Variants in CACHD1 observed in about 807,000 individuals in gnomAD.
CACHD1 encodes cache domain containing 1.
Under a neutral mutation model 138.7 loss-of-function variants are expected in CACHD1, and 71 were observed. The ratio of observed to expected loss-of-function variants is 0.51; its 90% CI spans 0.42 to 0.62. The LOEUF is 0.62. Ranked by LOEUF, CACHD1 falls within the 20% of genes least tolerant of loss-of-function variation. The probability of loss-of-function intolerance (pLI) is 0.00; values close to 1 mark genes in which losing one functional copy is unlikely to be tolerated. For missense variants in CACHD1, 1,389 were observed against 1,625.3 expected, an observed-to-expected ratio of 0.85 and a Z score of 2.50; for synonymous variants, 578 against 591.5, an observed-to-expected ratio of 0.98 and a Z score of 0.33.
intron 2 of CACHD1, among the ~76,000 whole-genome samples, chr1:64,553,404 T>C (rs373064309): frequency 6.6e-6 from 1 of 152,206 alleles, no homozygotes; most frequent in East Asian, 1.9e-4. Context: ...CCTCGTATGT[T>C]TCCTATTCTG....
chr1:64,645,547 C>T (rs1648875442), intron 8 of CACHD1, among the ~76,000 whole-genome samples: 1 of 151,828 alleles, frequency 6.6e-6, no homozygotes, highest in Non-Finnish European at 1.5e-5. Context: ...CTGGGAGAAA[C>T]TGTGGGAGAA....
At chr1:64,548,629 C>A (rs1035408297) in intron 1 of CACHD1, among the ~76,000 whole-genome samples, 1 of 151,998 alleles carries the variant, frequency 6.6e-6, no homozygotes, top group Non-Finnish European at 1.5e-5. Flanking sequence ...TGTAAAACAC[C>A]GGTAGTGGTA....
chr1:64,621,480 G>A (rs1369525818), intron 4 of CACHD1, among the ~76,000 whole-genome samples: 1 of 152,064 alleles, frequency 6.6e-6, no homozygotes, highest in Admixed American at 6.6e-5. Flanking sequence ...GGAGCTTAAG[G>A]CTTCCTATGT....
chr1:64,626,439 C>T (rs917577633), intron 4 of CACHD1, among the ~76,000 whole-genome samples: 16 of 152,192 alleles, frequency 1.1e-4, no homozygotes, highest in East Asian at 1.9e-4. Flanking sequence ...GATCCTCACT[C>T]GGATGGAAAA....
intron 2 of CACHD1, among the ~76,000 whole-genome samples, chr1:64,576,231 TGAG>T (rs919008603): frequency 2.0e-5 from 3 of 152,234 alleles, no homozygotes; most frequent in African/African-American, 4.8e-5. Flanking sequence ...TTAATTACAC[TGAG>T]GAGGATTGTG....
chr1:64,561,216 A>G (rs746346219), intron 2 of CACHD1, among the ~76,000 whole-genome samples: 2 of 143,606 alleles, frequency 1.4e-5, no homozygotes, highest in Non-Finnish European at 3.1e-5. Context: ...TTTGAATTTT[A>G]TCTGTTAATA....
chr1:64,673,400 A>G lies in CACHD1; in HGVS notation c.2663A>G (p.Asn888Ser), dbSNP rs1268018156. 3 of 1,614,038 alleles carry G rather than the reference A, an allele frequency of 1.9e-6. No homozygotes were observed. The Admixed American group carries it at 5.0e-5, about 27-fold the overall frequency. ...ILNHPNFVKK[N>S]LCNSFSDRTV... ...AACCACCCCAACTTTGTAAAGAAAA[A>G]CCTGTGCAACAGCTTCAGTGACAGA... The change falls in exon 19 of 27, where the codon AAC (asparagine) becomes AGC (serine). Residue 888 changes from asparagine to serine, a missense_variant. This residue lies in a region of CACHD1 where 1,000 missense variants were observed against 1,114.7 expected (regional missense o/e 0.90). Coordinates refer to ENST00000651257, the MANE Select transcript of CACHD1 (RefSeq NM_020925.4).
At chr1:64,484,407 C>G (rs1474230817) in intron 1 of CACHD1, among the ~76,000 whole-genome samples, 1 of 151,926 alleles carries the variant, frequency 6.6e-6, no homozygotes, top group Non-Finnish European at 1.5e-5. Flanking sequence ...TGAAAGAAAG[C>G]CAGGCGGCTG....
chr1:64,629,628 G>T (rs1648232027), intron 5 of CACHD1, 147 bp downstream of exon 5: 2 of 1,013,464 alleles, frequency 2.0e-6, no homozygotes, highest in African/African-American at 1.7e-5. Context: ...TCACCATTTA[G>T]TATATGTGGA....
chr1:64,557,634 T>C (rs78966965), intron 2 of CACHD1, among the ~76,000 whole-genome samples: 1 of 152,152 alleles, frequency 6.6e-6, no homozygotes, highest in African/African-American at 2.4e-5. Context: ...TCACCTATAT[T>C]AAACAAACAA....
At chr1:64,608,275 T>C (rs531236527) in intron 4 of CACHD1, among the ~76,000 whole-genome samples, 1 of 152,298 alleles carries the variant, frequency 6.6e-6, no homozygotes, top group East Asian at 1.9e-4. Context: ...GAGCAGTTAT[T>C]TGTAATATGA....
intron 1 of CACHD1, among the ~76,000 whole-genome samples, chr1:64,494,341 C>A (rs1278385017): frequency 6.6e-6 from 1 of 152,174 alleles, no homozygotes; most frequent in Non-Finnish European, 1.5e-5. Context: ...TCTTTTCTAA[C>A]TATCTTCCCT....
chr1:64,522,945 T>G (rs1355409579), intron 1 of CACHD1, among the ~76,000 whole-genome samples: 1 of 152,166 alleles, frequency 6.6e-6, no homozygotes, highest in African/African-American at 2.4e-5. Flanking sequence ...TTGGAATGAT[T>G]TGAGTCCAGG....
chr1:64,667,780 T>C (rs1039855785), intron 16 of CACHD1, among the ~76,000 whole-genome samples: 1 of 152,182 alleles, frequency 6.6e-6, no homozygotes, highest in African/African-American at 2.4e-5. Context: ...TGTGCCTTAG[T>C]CATTAGGTGA....
In CACHD1 at chr1:64,676,989, T is replaced by C; in HGVS notation, c.3070T>C (p.Cys1024Arg). ...TCTTCACCAGTGTGTCAACAGCAGG[T>C]GCAGTCAGAGGCTGGAAAGTGGGTA... ...DALHQCVNSR[C>R]SQRLESGDCF... The change falls in exon 22 of 27, where the codon TGC (cysteine) becomes CGC (arginine). Residue 1024 changes from cysteine to arginine, a missense_variant. This residue lies in a region of CACHD1 where 250 missense variants were observed against 292.9 expected (regional missense o/e 0.85). Coordinates refer to ENST00000651257, the MANE Select transcript of CACHD1 (RefSeq NM_020925.4). 1 of 1,613,720 alleles carries C rather than the reference T, an allele frequency of 6.2e-7. No individual in the cohort carries two copies. Among genetic ancestry groups the C allele is most frequent in the Non-Finnish European group, 8.5e-7 (1 of 1,179,744 alleles).
chr1:64,486,345 C>A (rs1048690548), intron 1 of CACHD1, among the ~76,000 whole-genome samples: 6 of 98,186 alleles, frequency 6.1e-5, no homozygotes, highest in Non-Finnish European at 1.2e-4. Flanking sequence ...GTTTTGAGAG[C>A]GCGCGCACAC....
chr1:64,518,696 A>G (rs1466369401), intron 1 of CACHD1, among the ~76,000 whole-genome samples: 5 of 152,178 alleles, frequency 3.3e-5, no homozygotes, highest in South Asian at 2.1e-4. Context: ...ATAGGAAGAA[A>G]GTAAGGTATA....
In CACHD1 at chr1:64,658,814, G is replaced by A. The variant is rs756843399; in HGVS notation, c.1892G>A (p.Arg631Gln). ...TVPSSKLLYH[R>Q]LDLLGQPSAC... Reference sequence around the variant, plus strand: ...CCCAGCAGCAAGCTGCTGTACCACCGGCTGGATCTCCTTGGCCAGCCCAGT... The same window carrying A: ...CCCAGCAGCAAGCTGCTGTACCACCAGCTGGATCTCCTTGGCCAGCCCAGT... Residue 631 changes from arginine to glutamine, a missense_variant, in exon 13 of 27, where the codon CGG becomes CAG. Arg to Gln is a conservative substitution (Grantham distance 43). Around this residue, in one of 5 missense-constraint regions of CACHD1, gnomAD observed 1,000 missense variants for 1,114.7 expected, o/e 0.90. Coordinates refer to ENST00000651257, the MANE Select transcript of CACHD1 (RefSeq NM_020925.4). The A allele has an allele frequency of 1.5e-5, 24 of 1,595,984 alleles. No homozygotes were observed. Among genetic ancestry groups the A allele is most frequent in the South Asian group, 3.4e-5 (3 of 88,950 alleles).
chr1:64,600,677 T>C (rs184502594), intron 3 of CACHD1, among the ~76,000 whole-genome samples: 164 of 152,344 alleles, frequency 1.1e-3, no homozygotes, highest in Admixed American at 2.7e-3. Context: ...CTTGTCTATT[T>C]ATGGAATCTG....
Sources: allele counts gnomAD v4.1 joint callset (sites outside exome capture counted in the v4.1 genomes callset), GRCh38; gene constraint gnomAD v4.1.1; regional missense constraint gnomAD v4.1.1; transcripts MANE v1.5; gene names NCBI Gene and HGNC (gene_info 2026-07-23, HGNC 2026-07-21).